The following SERINC5 variants were observed in gnomAD, a reference collection of about 807,000 sequenced individuals.
SERINC5 encodes serine incorporator 5.
SERINC5 carries 41 observed loss-of-function variants against 63.1 expected under a neutral mutation model. The observed-to-expected ratio is 0.65, with a 90% confidence interval of 0.51 to 0.84. The LOEUF (loss-of-function observed/expected upper bound fraction) is 0.84, where lower values mean the gene tolerates loss of function less well. SERINC5 is among the 40% of genes least tolerant of loss of function. The pLI, the probability that SERINC5 is intolerant of heterozygous loss-of-function variation, is 0.00. For missense variants in SERINC5, 523 were observed against 573.0 expected (o/e 0.91, Z 0.89); for synonymous variants, 222 against 215.2 (o/e 1.03, Z -0.28).
At chr5:80,241,512 G>T (rs991756929) in intron 1 of SERINC5, among the ~76,000 whole-genome samples, 5 of 151,904 alleles carry the variant, frequency 3.3e-5, no homozygotes, top group African/African-American at 4.8e-5. Flanking sequence ...TAAACACAGT[G>T]AAAAATATTC....
chr5:80,143,565 T>G lies in SERINC5; in HGVS notation c.*98A>C, dbSNP rs1745638383. On this transcript the variant is annotated 3_prime_UTR_variant, in exon 12 of 12. Coordinates refer to ENST00000507668, the MANE Select transcript of SERINC5 (RefSeq NM_001174072.3). ...TCTCTCAAAGCTTTTTCAGACCCACTCAGGCACAGGGCGCCAGTCCCTGCC... is the reference window on the plus strand; with the variant it reads ...TCTCTCAAAGCTTTTTCAGACCCACGCAGGCACAGGGCGCCAGTCCCTGCC... 3.6e-6 allele frequency: 5 copies of G among 1,405,214 alleles called. No homozygotes were observed. The highest frequency in any genetic ancestry group is 4.6e-6 in the Non-Finnish European group (5 of 1,079,572). The allele number at this position is 1,405,214 out of a possible 1,614,324, so 87.0% of individuals were successfully genotyped here.
At chr5:80,134,138 C>T (rs1405267642), downstream of SERINC5, among the ~76,000 whole-genome samples, 2 of 152,088 alleles carry the variant, frequency 1.3e-5, no homozygotes, top group Non-Finnish European at 2.9e-5. Flanking sequence ...TTTATAGTTC[C>T]CAGGCTAAAA....
intron 1 of SERINC5, among the ~76,000 whole-genome samples, chr5:80,223,851 C>A (rs923141270): frequency 6.6e-6 from 1 of 151,936 alleles, no homozygotes; most frequent in East Asian, 1.9e-4. Flanking sequence ...TCAAGCCGGG[C>A]GCGGTGGCTC....
At chr5:80,215,808 G>A (rs147533464) in intron 1 of SERINC5, among the ~76,000 whole-genome samples, 123 of 152,272 alleles carry the variant, frequency 8.1e-4, no homozygotes, top group African/African-American at 2.6e-3. Flanking sequence ...GTCTGAAATG[G>A]GCAAGAAGAG....
At chr5:80,224,660 C>T (rs537570310) in intron 1 of SERINC5, among the ~76,000 whole-genome samples, 1 of 152,174 alleles carries the variant, frequency 6.6e-6, no homozygotes, top group Non-Finnish European at 1.5e-5. Context: ...GAATTTCCCT[C>T]TTGTTGCCCA....
chr5:80,174,806 G>T (rs1203937197), intron 5 of SERINC5, 148 bp downstream of exon 5: 1 of 550,178 alleles, frequency 1.8e-6, no homozygotes, highest in African/African-American at 1.9e-5. Context: ...AGAAGTGAAT[G>T]AAGGAGAGGA....
rs1745339150 is a variant in SERINC5, at chr5:80,138,884, A to C, written c.*4779T>G. 1.0e-6 allele frequency: 1 copy of C among 974,372 alleles called. No homozygotes were observed. The highest frequency in any genetic ancestry group is 4.8e-5 in the South Asian group (1 of 21,046). The allele number at this position is 974,372 out of a possible 1,614,324, so 60.4% of individuals were successfully genotyped here. The stretch of plus-strand genomic sequence containing the variant: ...ATATGTATCTAGCAGAAGAGAAAAA[A>C]ACAACACAGTTTTAATTTTAAATTT... On this transcript the variant is annotated 3_prime_UTR_variant, in exon 12 of 12. Coordinates refer to ENST00000507668, the MANE Select transcript of SERINC5 (RefSeq NM_001174072.3).
chr5:80,169,483 C>T lies in SERINC5; in HGVS notation c.615G>A (p.Met205Ile), dbSNP rs1200374436. ...YASLALVTLI[M>I]YSIATGGLVL... is the part of the protein sequence containing the mutation. ...CCAAGCCTCCAGTGGCAATGGAATA[C>T]ATGATGAGCGTCACCAGGGCCAGGG... Residue 205 changes from methionine (M) to isoleucine (I), a missense_variant, in exon 6 of 12, where the codon ATG becomes ATA. Met to Ile is a conservative substitution (Grantham distance 10, BLOSUM62 1). Transcript: ENST00000507668. 5 of 1,613,928 alleles carry T rather than the reference C, an allele frequency of 3.1e-6. No homozygotes were observed. Among genetic ancestry groups the T allele is most frequent in the Non-Finnish European group, 4.2e-6 (5 of 1,179,862 alleles).
chr5:80,193,671 C>G (rs1043216246), intron 2 of SERINC5, among the ~76,000 whole-genome samples: 1 of 152,106 alleles, frequency 6.6e-6, no homozygotes, highest in Admixed American at 6.5e-5. Flanking sequence ...TTGGTTCAGG[C>G]TCAAAAAAAG....
intron 11 of SERINC5, among the ~76,000 whole-genome samples, chr5:80,119,075 G>A (rs2112229046): frequency 6.6e-6 from 1 of 152,228 alleles, no homozygotes; most frequent in African/African-American, 2.4e-5. Flanking sequence ...TCACTAGTTG[G>A]ATGACCTTGA....
At chr5:80,137,384 T>C (rs1745248322), downstream of SERINC5, among the ~76,000 whole-genome samples, 1 of 152,024 alleles carries the variant, frequency 6.6e-6, no homozygotes, top group African/African-American at 2.4e-5. Context: ...CTCACACCTG[T>C]AATCCCAGCA....
intron 8 of SERINC5, 30 bp downstream of exon 8, chr5:80,158,806 A>G (rs965500363): frequency 6.2e-7 from 1 of 1,603,198 alleles, no homozygotes; most frequent in Non-Finnish European, 8.5e-7. Flanking sequence ...AAGTCTGCAA[A>G]AGTGACCTTG....
Position 80,139,885 on chromosome 5 carries a change from A to G in SERINC5, c.*3778T>C. 1 of 985,392 alleles carries G rather than the reference A, an allele frequency of 1.0e-6. No homozygotes were observed. The highest frequency in any genetic ancestry group is 4.7e-5 in the South Asian group (1 of 21,288). The allele number at this position is 985,392 out of a possible 1,614,324, so 61.0% of individuals were successfully genotyped here. On this transcript the variant is annotated 3_prime_UTR_variant, in exon 12 of 12. Transcript: ENST00000507668. ...CTCTTTCGTTTCCAAGAGGTATAGG[A>G]CACTAGAGTACACCAAATGAGATAC...
At chr5:80,225,156 G>T (rs112609267) in intron 1 of SERINC5, among the ~76,000 whole-genome samples, 1 of 152,076 alleles carries the variant, frequency 6.6e-6, no homozygotes, top group Non-Finnish European at 1.5e-5. Flanking sequence ...GCCCAGTCTG[G>T]TCTCAAACTC....
chr5:80,184,422 C>A (rs1013804765), intron 2 of SERINC5, among the ~76,000 whole-genome samples: 1 of 152,162 alleles, frequency 6.6e-6, no homozygotes, highest in African/African-American at 2.4e-5. Flanking sequence ...CTAACAGCAG[C>A]AGGCTGAGCC....
intron 2 of SERINC5, among the ~76,000 whole-genome samples, chr5:80,194,638 G>C (rs543757789): frequency 2.1e-4 from 32 of 152,286 alleles, no homozygotes; most frequent in Non-Finnish European, 3.7e-4. Flanking sequence ...ACAGGAAGCA[G>C]GCAGATGGGA....
rs1211457049 is a variant in SERINC5 at position 80,208,344 on chromosome 5, A to T, written c.28-5291T>A. ...TGGGAACTCTCTGTATCTTCCTCTTAATTGTGCTGTGAACCTAAAACTGCT... is the reference window on the plus strand; with the variant it reads ...TGGGAACTCTCTGTATCTTCCTCTTTATTGTGCTGTGAACCTAAAACTGCT... On this transcript the variant is annotated intron_variant, in intron 1 of 11. Coordinates refer to ENST00000507668, the MANE Select transcript of SERINC5 (RefSeq NM_001174072.3). Among the ~76,000 whole-genome samples the T allele has an allele frequency of 4.7e-5, 7 of 149,448 alleles. No homozygotes were observed. The East Asian group carries it at 1.4e-3, about 30-fold the overall frequency.
intron 1 of SERINC5, among the ~76,000 whole-genome samples, chr5:80,226,540 C>T (rs1013726180): frequency 6.6e-6 from 1 of 152,094 alleles, no homozygotes; most frequent in Non-Finnish European, 1.5e-5. Flanking sequence ...GACCCTAAAA[C>T]AGGTGCATGC....
chr5:80,236,728 T>C (rs951539930), intron 1 of SERINC5, among the ~76,000 whole-genome samples: 1 of 151,996 alleles, frequency 6.6e-6, no homozygotes, highest in Non-Finnish European at 1.5e-5. Flanking sequence ...GGTTTCACCA[T>C]GTTGCCCAGG....
Sources: allele counts gnomAD v4.1 joint callset (sites outside exome capture counted in the v4.1 genomes callset), GRCh38; gene constraint gnomAD v4.1.1; transcripts MANE v1.5; gene names NCBI Gene and HGNC (gene_info 2026-07-23, HGNC 2026-07-21).